Variants in CPNE4 observed in about 807,000 individuals in gnomAD.
CPNE4 encodes copine-4.
In CPNE4, 25 loss-of-function variants were observed where a neutral mutation model predicts 67.9. The observed-to-expected ratio is 0.37, with a 90% confidence interval of 0.27 to 0.51. CPNE4 has a LOEUF of 0.51. Ranked by LOEUF, CPNE4 falls within the 20% of genes least tolerant of loss-of-function variation. The probability of loss-of-function intolerance (pLI) is 0.93; values close to 1 mark genes in which losing one functional copy is unlikely to be tolerated. For synonymous variants in CPNE4, 242 were observed against 244.9 expected, an observed-to-expected ratio of 0.99 and a Z score of 0.11; for missense variants, 464 against 690.8, an observed-to-expected ratio of 0.67 and a Z score of 3.68.
intron 2 of CPNE4, among the ~76,000 whole-genome samples, chr3:131,825,602 A>C (rs1156558309): frequency 6.6e-6 from 1 of 152,216 alleles, no homozygotes; most frequent in Non-Finnish European, 1.5e-5. Context: ...AGTTGGGTAA[A>C]TAGAAAAAGA....
intron 12 of CPNE4, 116 bp from the exon 13 acceptor site, chr3:131,552,607 G>A: frequency 1.4e-6 from 1 of 734,476 alleles, no homozygotes; most frequent in Non-Finnish European, 2.3e-6. Flanking sequence ...TTCATTATGT[G>A]TTAAGCAGCA....
At chr3:131,571,500 G>A (rs538488550) in intron 10 of CPNE4, among the ~76,000 whole-genome samples, 4 of 152,116 alleles carry the variant, frequency 2.6e-5, no homozygotes, top group Admixed American at 6.6e-5. Flanking sequence ...GTTGCCTCGC[G>A]TATTTCCCTG....
At chr3:131,829,234 T>C (rs1352050385) in intron 2 of CPNE4, among the ~76,000 whole-genome samples, 3 of 152,218 alleles carry the variant, frequency 2.0e-5, no homozygotes, top group Non-Finnish European at 2.9e-5. Context: ...GGAGATACAA[T>C]TCAGGATGAC....
rs151029425 is a variant in CPNE4, at chr3:131,764,983, G to A, written c.181-41358C>T. Among the ~76,000 whole-genome samples, 445 of 152,226 alleles carry A rather than the reference G, an allele frequency of 2.9e-3. 2 individuals are homozygous for A. The highest frequency in any genetic ancestry group is 0.01 in the African/African-American group (432 of 41,572). On this transcript the variant is annotated intron_variant, in intron 2 of 15. Transcript: ENST00000429747. ...TAGATCTAAATCCAGGATACCAGTG[G>A]ATTTTAGGAGGCAGCAACTCCTAAA...
chr3:131,591,631 G>T lies in CPNE4; in HGVS notation c.682-4049C>A, dbSNP rs190972047. 2.1e-4 allele frequency among the ~76,000 whole-genome samples: 32 copies of T among 152,298 alleles called. No homozygotes were observed. In the East Asian group the frequency reaches 5.6e-3, roughly 27 times the overall value. On this transcript the variant is annotated intron_variant, in intron 7 of 15. Transcript: ENST00000429747. ...GGGCCTCTCAGCAGCAGGCAGTGCT[G>T]CTTACAGGGGTCTCTTTCTTCAATC...
intron 2 of CPNE4, among the ~76,000 whole-genome samples, chr3:131,890,945 A>G (rs1032053891): frequency 6.6e-6 from 1 of 152,250 alleles, no homozygotes; most frequent in Non-Finnish European, 1.5e-5. Context: ...AGGGATGAGG[A>G]GGGGGCATAC....
chr3:131,887,165 T>A (rs937109834), intron 2 of CPNE4, among the ~76,000 whole-genome samples: 1 of 152,158 alleles, frequency 6.6e-6, no homozygotes, highest in Non-Finnish European at 1.5e-5. Context: ...ATGGGGACAG[T>A]TTCCCCCATA....
At chr3:132,023,145 G>A (rs915975140) in intron 1 of CPNE4, among the ~76,000 whole-genome samples, 4 of 152,154 alleles carry the variant, frequency 2.6e-5, no homozygotes, top group African/African-American at 9.7e-5. Flanking sequence ...TATTTCAGTC[G>A]TTAACCCATA....
At chr3:131,540,582 C>T (rs925640678) in intron 15 of CPNE4, among the ~76,000 whole-genome samples, 4 of 152,266 alleles carry the variant, frequency 2.6e-5, no homozygotes, top group African/African-American at 7.2e-5. Context: ...TAGCTTTCCA[C>T]CTCTCATCTG....
intron 1 of CPNE4, among the ~76,000 whole-genome samples, chr3:131,983,413 G>T (rs1458459242): frequency 1.3e-5 from 2 of 151,966 alleles, no homozygotes; most frequent in Non-Finnish European, 2.9e-5. Context: ...TCCTTGCTAC[G>T]ACGTGGAGCT....
intron 7 of CPNE4, among the ~76,000 whole-genome samples, chr3:131,591,124 C>T (rs892441154): frequency 6.6e-5 from 10 of 152,100 alleles, no homozygotes; most frequent in African/African-American, 2.2e-4. Context: ...ACACTCCTTA[C>T]CTGGAGAAAG....
intron 7 of CPNE4, among the ~76,000 whole-genome samples, chr3:131,637,027 A>G (rs1274110204): frequency 6.6e-6 from 1 of 151,858 alleles, no homozygotes; most frequent in Admixed American, 6.6e-5. Flanking sequence ...GTGGGACAAA[A>G]GAATCTGAAC....
intron 1 of CPNE4, among the ~76,000 whole-genome samples, chr3:131,963,217 A>G (rs1028378184): frequency 1.3e-5 from 2 of 151,982 alleles, no homozygotes; most frequent in Non-Finnish European, 1.5e-5. Context: ...CCCAGATACT[A>G]TGCTTCCCCC....
intron 7 of CPNE4, among the ~76,000 whole-genome samples, chr3:131,612,956 G>T (rs1346336595): frequency 6.6e-6 from 1 of 152,210 alleles, no homozygotes; most frequent in Non-Finnish European, 1.5e-5. Context: ...TGAAGAGGAA[G>T]TCGTATCTTG....
chr3:131,635,649 C>T (rs539319599), intron 7 of CPNE4, among the ~76,000 whole-genome samples: 4 of 152,306 alleles, frequency 2.6e-5, no homozygotes, highest in East Asian at 3.9e-4. Context: ...TAGGACATCA[C>T]GAAAATTCTG....
At chr3:131,724,042 C>T (rs1173028370) in intron 2 of CPNE4, among the ~76,000 whole-genome samples, 1 of 152,024 alleles carries the variant, frequency 6.6e-6, no homozygotes, top group Non-Finnish European at 1.5e-5. Context: ...ATTGATTCAA[C>T]CTTGTCCTGC....
intron 2 of CPNE4, among the ~76,000 whole-genome samples, chr3:131,820,653 C>T (rs1300499689): frequency 6.6e-6 from 1 of 152,180 alleles, no homozygotes; most frequent in Admixed American, 6.5e-5. Context: ...CAGAAAAATC[C>T]CATTGTAATG....
intron 1 of CPNE4, among the ~76,000 whole-genome samples, chr3:131,910,821 G>T (rs373594022): frequency 5.3e-5 from 8 of 152,158 alleles, no homozygotes; most frequent in African/African-American, 1.7e-4. Context: ...TACCACAGTG[G>T]CTGGTCTCTA....
chr3:131,620,736 T>C (rs1441523048), intron 7 of CPNE4, among the ~76,000 whole-genome samples: 3 of 152,138 alleles, frequency 2.0e-5, no homozygotes, highest in Non-Finnish European at 4.4e-5. Context: ...GTCAGGGTGC[T>C]GTGATTGCTA....
Sources: gnomAD v4.1 joint callset for allele counts (sites outside exome capture counted in the v4.1 genomes callset) on GRCh38, gnomAD v4.1.1 for gene constraint, MANE v1.5 for transcripts, NCBI Gene and HGNC (gene_info 2026-07-23, HGNC 2026-07-21) for gene names.